The following GPANK1 variants were observed in gnomAD, a reference collection of about 807,000 sequenced individuals.
GPANK1 encodes G-patch domain and ankyrin repeats 1.
In GPANK1, 22 loss-of-function variants were observed where a neutral mutation model predicts 24.0. The observed-to-expected ratio is 0.92, with a 90% CI of 0.66 to 1.31. The LOEUF (loss-of-function observed/expected upper bound fraction) is 1.31. Ranked by LOEUF, GPANK1 falls within the 50% of genes most tolerant of loss-of-function variation. The pLI is 0.00. For missense variants in GPANK1, 469 were observed against 453.5 expected (o/e 1.03, Z -0.31); for synonymous variants, 174 against 177.4 (o/e 0.98, Z 0.15).
chr6:31,665,112 C>T, upstream of GPANK1: 1 of 391,466 alleles, frequency 2.6e-6, no homozygotes. Flanking sequence ...CTCGGGCGTG[C>T]GCAAAGCTCC....
rs1425985590 is a variant in GPANK1 at position 31,664,098 on chromosome 6, A to G, written c.381T>C (p.His127=). The change falls in exon 2 of 3, where the codon CAT becomes CAC. Residue 127 remains histidine (H), a synonymous_variant. Coordinates refer to ENST00000375896, the MANE Select transcript of GPANK1 (RefSeq NM_033177.4). ...TATTCCCCCCAGCTCCTCCTGCCTC[A>G]TGCGGTTCCAGCAGTCTCCTAAGTT... The part of the protein sequence containing the change: ...LPELRRLLEP[H]EAGGAGGNIN... 6.2e-7 allele frequency: 1 copy of G among 1,614,162 alleles called. No individual in the cohort carries two copies. Among genetic ancestry groups the G allele is most frequent in the South Asian group, 1.1e-5 (1 of 91,084 alleles).
At position 31,662,660 on chromosome 6, in the gene GPANK1, T is replaced by C. The variant is rs747760527; in HGVS notation, c.677A>G (p.Gln226Arg). Residue 226 changes from glutamine to arginine, a missense_variant, in exon 3 of 3, where the codon CAA becomes CGA. Gln to Arg is a conservative substitution (Grantham distance 43). Coordinates refer to ENST00000375896, the MANE Select transcript of GPANK1 (RefSeq NM_033177.4). The surrounding 1 kb of genome is among the most constrained non-coding windows in gnomAD (Gnocchi z 5.5). ...AGTGGATGTGCGGTGGTTGGAATCTTGGAAGTGGGTGTCACAGTTCTCGCA... is the reference window on the plus strand; with the variant it reads ...AGTGGATGTGCGGTGGTTGGAATCTCGGAAGTGGGTGTCACAGTTCTCGCA... ...QYCENCDTHF[Q>R]DSNHRTSTAH... is the part of the protein sequence containing the mutation. The C allele has an allele frequency of 3.1e-6, 5 of 1,611,518 alleles. No individual in the cohort carries two copies. In the South Asian group the frequency reaches 4.4e-5, roughly 14 times the overall value.
In GPANK1 at chr6:31,662,555, T is replaced by C. The variant is rs1801016416; in HGVS notation, c.782A>G (p.Lys261Arg). Reference sequence around the variant, plus strand: ...CTCCCAGCCCCCCCTCAGCAGCAGTTTGAAGCCCGGGCTGGAGATGGGCAC... The same window carrying C: ...CTCCCAGCCCCCCCTCAGCAGCAGTCTGAAGCCCGGGCTGGAGATGGGCAC... ...LGVPISSPGF[K>R]LLLRGGWEPG... Residue 261 changes from lysine to arginine, a missense_variant, in exon 3 of 3, where the codon AAA becomes AGA. Transcript: ENST00000375896. This position sits in a 1 kb window ranked among gnomAD's most constrained non-coding sequence, Gnocchi z 5.5. The C allele has an allele frequency of 6.2e-7, 1 of 1,612,938 alleles. No individual in the cohort carries two copies. Among genetic ancestry groups the C allele is most frequent in the African/African-American group, 1.3e-5 (1 of 75,026 alleles).
chr6:31,662,580 C>A lies in GPANK1; in HGVS notation c.757G>T (p.Val253Leu). 1 of 1,612,920 alleles carries A rather than the reference C, an allele frequency of 6.2e-7. No homozygotes were observed. The highest frequency in any genetic ancestry group is 8.5e-7 in the Non-Finnish European group (1 of 1,179,960). Reference protein sequence around the residue: ...GPQPPNLPLGVPISSPGFKLL... With the variant: ...GPQPPNLPLGLPISSPGFKLL... ...TTGAAGCCCGGGCTGGAGATGGGCACCCCAAGTGGAAGGTTGGGAGGCTGA... is the reference window on the plus strand; with the variant it reads ...TTGAAGCCCGGGCTGGAGATGGGCAACCCAAGTGGAAGGTTGGGAGGCTGA... The change falls in exon 3 of 3, where the codon GTG becomes TTG. Residue 253 changes from valine to leucine, a missense_variant. Val to Leu is a conservative substitution (Grantham distance 32). Transcript: ENST00000375896. This position sits in a 1 kb window ranked among gnomAD's most constrained non-coding sequence, Gnocchi z 5.5.
chr6:31,665,382 G>C, upstream of GPANK1: 71 of 1,435,404 alleles, frequency 4.9e-5, no homozygotes, highest in Non-Finnish European at 6.6e-5. Flanking sequence ...ATGAAATAAC[G>C]TCACGCCTGC....
chr6:31,661,843 AG>A lies in GPANK1; in HGVS notation c.*422del, dbSNP rs1219302051. 5.3e-6 allele frequency: 1 copy of A among 188,228 alleles called. No individual in the cohort carries two copies. Among genetic ancestry groups the A allele is most frequent in the Non-Finnish European group, 1.1e-5 (1 of 92,618 alleles). 11.7% of individuals were successfully genotyped at this position (188,228 alleles called of 1,614,324 possible). ...TGAAATCAGTGAATTGGCTGTAGTC[AG>A]GGAACTCCTCCTGGGGGAAGTGAGA... On this transcript the variant is annotated 3_prime_UTR_variant, in exon 3 of 3. Coordinates refer to ENST00000375896, the MANE Select transcript of GPANK1 (RefSeq NM_033177.4).
chr6:31,665,162 C>G (rs76686947), upstream of GPANK1: 579 of 466,938 alleles, frequency 1.2e-3, 2 homozygotes, highest in Admixed American at 8.7e-3. Flanking sequence ...CAATAGTAAA[C>G]GAGCAAAGCT....
Position 31,664,011 on chromosome 6 carries a change from C to A in GPANK1, c.468G>T (p.Gly156=). 1 of 1,614,220 alleles carries A rather than the reference C, an allele frequency of 6.2e-7. No individual in the cohort carries two copies. Among genetic ancestry groups the A allele is most frequent in the Non-Finnish European group, 8.5e-7 (1 of 1,180,038 alleles). ...PLMCAARAGQ[G]AAVSYLLGRG... ...GGCCCAGGAGATAGCTCACAGCTGCCCCCTGGCCCGCTCGAGCAGCACACA... is the reference window on the plus strand; with the variant it reads ...GGCCCAGGAGATAGCTCACAGCTGCACCCTGGCCCGCTCGAGCAGCACACA... The change falls in exon 2 of 3, where the codon GGG becomes GGT. Residue 156 remains glycine, a synonymous_variant. Transcript: ENST00000375896.
chr6:31,666,254 C>T, upstream of GPANK1: 12 of 931,324 alleles, frequency 1.3e-5, no homozygotes, highest in Non-Finnish European at 1.5e-5. Context: ...TCGCTGGGAG[C>T]GGCACATGGG....
At position 31,664,189 on chromosome 6, in the gene GPANK1, G is replaced by T. The variant is rs909640102; in HGVS notation, c.290C>A (p.Ser97Tyr). ...AGTCATCTTATCCTCAGCCTCAAGG[G>T]ATCTCCCTTGTCCATGTCTTCCTGA... ...GASGRHGQGR[S>Y]LEAEDKMTHR... The change falls in exon 2 of 3, where the codon TCC (serine) becomes TAC (tyrosine). Residue 97 changes from serine to tyrosine, a missense_variant. Physicochemically the swap from Ser to Tyr is moderately radical, Grantham distance 144. Coordinates refer to ENST00000375896, the MANE Select transcript of GPANK1 (RefSeq NM_033177.4). 5 of 1,614,100 alleles carry T rather than the reference G, an allele frequency of 3.1e-6. No individual in the cohort carries two copies. In the African/African-American group the frequency reaches 6.7e-5, roughly 22 times the overall value.
rs1801043054 is a variant in GPANK1, at chr6:31,662,708, G to A, written c.629C>T (p.Ser210Phe). The change falls in exon 3 of 3, where the codon TCT becomes TTT. Residue 210 changes from serine to phenylalanine, a missense_variant and splice_region_variant. Ser to Phe is a radical substitution (Grantham distance 155, BLOSUM62 -2). Transcript: ENST00000375896. The surrounding 1 kb of genome is among the most constrained non-coding windows in gnomAD (Gnocchi z 5.5). ...HGETRSPENR[S>F]PTPSLQYCEN... ...GCAGTACTGGAGGGAGGGAGTAGGA[G>A]ACCTGCAGAGAAAGAAGAAAAAGCA... 1 of 1,566,792 alleles carries A rather than the reference G, an allele frequency of 6.4e-7. No homozygotes were observed. The highest frequency in any genetic ancestry group is 8.7e-7 in the Non-Finnish European group (1 of 1,149,812).
intron 1 of GPANK1, 131 bp downstream of exon 1, chr6:31,664,710 C>T (rs916514881): frequency 3.6e-6 from 2 of 551,124 alleles, no homozygotes; most frequent in Non-Finnish European, 6.4e-6. Context: ...CGACTTTGCT[C>T]CTTAGTAAAG....
chr6:31,665,217 T>G, upstream of GPANK1: 1 of 555,354 alleles, frequency 1.8e-6, no homozygotes, highest in Non-Finnish European at 3.3e-6. Flanking sequence ...TCGGTTGGGG[T>G]CCTACTTTTA....
At position 31,662,395 on chromosome 6, in the gene GPANK1, G is replaced by T. The variant is rs2295667; in HGVS notation, c.942C>A (p.Thr314=). 8,723 of 1,612,570 alleles carry T rather than the reference G, an allele frequency of 5.4e-3. 173 individuals carry two copies. The African/African-American group carries it at 0.063, about 12-fold the overall frequency. Residue 314 remains threonine, a synonymous_variant, in exon 3 of 3, where the codon ACC becomes ACA. Transcript: ENST00000375896. This position sits in a 1 kb window ranked among gnomAD's most constrained non-coding sequence, Gnocchi z 5.5. ...GTCTCTCCCTCCCAGCCACAGCTCG[G>T]GTATCCCAAGCTGGGAAATGTGTCA... is the stretch of plus-strand genomic sequence containing the variant. The part of the protein sequence containing the change: ...PRVTHFPAWD[T]RAVAGRERPP...
chr6:31,662,764 T>G lies in GPANK1; in HGVS notation c.627-54A>C. Reference sequence around the variant, plus strand: ...GGCAGGGGAAGGAAAAGGGGAAGAGTTGAGGCCTCAGAGGGGGCTGGCAGG... The same window carrying G: ...GGCAGGGGAAGGAAAAGGGGAAGAGGTGAGGCCTCAGAGGGGGCTGGCAGG... On this transcript the variant is annotated intron_variant, in intron 2 of 2. Transcript: ENST00000375896. This position sits in a 1 kb window ranked among gnomAD's most constrained non-coding sequence, Gnocchi z 5.5. The G allele has an allele frequency of 8.5e-7, 1 of 1,173,334 alleles. No homozygotes were observed. Among genetic ancestry groups the G allele is most frequent in the Non-Finnish European group, 1.2e-6 (1 of 818,464 alleles). The allele number at this position is 1,173,334 out of a possible 1,614,324, so 72.7% of individuals were successfully genotyped here.
At chr6:31,665,985 C>G (rs1023291569), upstream of GPANK1, 3 of 1,014,718 alleles carry the variant, frequency 3.0e-6, no homozygotes, top group African/African-American at 5.1e-5. Flanking sequence ...TCTCATTTAG[C>G]CAGTTTCTTT....
At chr6:31,666,038 G>A, upstream of GPANK1, 1 of 998,900 alleles carries the variant, frequency 1.0e-6, no homozygotes, top group Non-Finnish European at 1.2e-6. Flanking sequence ...CGCGGCACCT[G>A]ACCCTTGGCG....
chr6:31,662,650 G>C lies in GPANK1; in HGVS notation c.687C>G (p.Asn229Lys). ...GCAGGTGAGCAGTGGATGTGCGGTG[G>C]TTGGAATCTTGGAAGTGGGTGTCAC... ...ENCDTHFQDS[N>K]HRTSTAHLLS... Residue 229 changes from asparagine (N) to lysine (K), a missense_variant, in exon 3 of 3, where the codon AAC becomes AAG. Asn to Lys is a moderately conservative substitution (Grantham distance 94, BLOSUM62 0). Coordinates refer to ENST00000375896, the MANE Select transcript of GPANK1 (RefSeq NM_033177.4). The surrounding 1 kb of genome is among the most constrained non-coding windows in gnomAD (Gnocchi z 5.5). 1 of 1,612,368 alleles carries C rather than the reference G, an allele frequency of 6.2e-7. No homozygotes were observed.
chr6:31,662,309 G>A lies in GPANK1; in HGVS notation c.1028C>T (p.Ala343Val), dbSNP rs574301361. Residue 343 changes from alanine (A) to valine (V), a missense_variant, in exon 3 of 3, where the codon GCT (alanine) becomes GTT (valine). Ala to Val is a moderately conservative substitution (Grantham distance 64, BLOSUM62 0). Transcript: ENST00000375896. This position sits in a 1 kb window ranked among gnomAD's most constrained non-coding sequence, Gnocchi z 5.5. ...GTAAGTCCTTAGATCCCGCTCCCAA[G>A]CCCTGTCTTTCTCCTCCCTCCTTCT... is the stretch of plus-strand genomic sequence containing the variant. ...EERRREEKDR[A>V]WERDLRTYMN... is the part of the protein sequence containing the mutation. 1 of 1,586,112 alleles carries A rather than the reference G, an allele frequency of 6.3e-7. No individual in the cohort carries two copies. The highest frequency in any genetic ancestry group is 8.6e-7 in the Non-Finnish European group (1 of 1,163,810).
Sources: allele counts gnomAD v4.1 joint callset, GRCh38; gene constraint gnomAD v4.1.1; non-coding constraint Gnocchi (gnomAD v3.1); transcripts MANE v1.5; gene names NCBI Gene and HGNC (gene_info 2026-07-23, HGNC 2026-07-21).